UNC5C: variants seen among roughly 807,000 people sequenced by gnomAD.
UNC5C encodes the protein unc-5 netrin receptor C, also known as netrin receptor UNC5C.
UNC5C carries 47 observed loss-of-function variants against 99.8 expected under a neutral mutation model. The ratio of observed to expected loss-of-function variants is 0.47; its 90% confidence interval spans 0.37 to 0.60. The LOEUF is 0.60. UNC5C is among the 20% of genes least tolerant of loss of function. The pLI is 0.00. For synonymous variants in UNC5C, 487 were observed against 452.2 expected (o/e 1.08, Z -0.98); for missense variants, 1,062 against 1,165.9 (o/e 0.91, Z 1.30).
intron 1 of UNC5C, among the ~76,000 whole-genome samples, chr4:95,418,968 T>C (rs572985206): frequency 6.6e-6 from 1 of 152,324 alleles, no homozygotes; most frequent in South Asian, 2.1e-4. Context: ...TATCTGCCTT[T>C]AGTCTGATTC....
chr4:95,292,555 G>A (rs947556757), intron 3 of UNC5C, among the ~76,000 whole-genome samples: 1 of 151,938 alleles, frequency 6.6e-6, no homozygotes, highest in African/African-American at 2.4e-5. Flanking sequence ...TGCCTATGTG[G>A]ACCTTACTTT....
Position 95,222,573 on chromosome 4 carries a change from G to A in UNC5C, c.1109-2397C>T, listed in dbSNP as rs377449122. ...GGATCTAATTTATTTCAGACATCAG[G>A]GGTCATTAGCATAAGGAAAATCTTT... is the stretch of plus-strand genomic sequence containing the variant. On this transcript the variant is annotated intron_variant, in intron 7 of 15. Transcript: ENST00000453304. 4.0e-4 allele frequency among the ~76,000 whole-genome samples: 61 copies of A among 152,124 alleles called. No individual in the cohort carries two copies. In the South Asian group the frequency reaches 0.012, roughly 30 times the overall value.
At chr4:95,512,061 G>C (rs1161673391) in intron 1 of UNC5C, among the ~76,000 whole-genome samples, 3 of 152,072 alleles carry the variant, frequency 2.0e-5, no homozygotes, top group Non-Finnish European at 1.5e-5. Context: ...GTGGAATATG[G>C]AAATGAAAAT....
intron 10 of UNC5C, among the ~76,000 whole-genome samples, chr4:95,215,179 G>A (rs1289029124): frequency 6.6e-6 from 1 of 152,124 alleles, no homozygotes; most frequent in Non-Finnish European, 1.5e-5. Context: ...ATGAGAGCTG[G>A]GAAAAGAAAA....
intron 1 of UNC5C, among the ~76,000 whole-genome samples, chr4:95,523,106 T>C (rs1722402723): frequency 6.6e-6 from 1 of 152,262 alleles, no homozygotes; most frequent in Non-Finnish European, 1.5e-5. Context: ...ATGGTCAGGA[T>C]AGGGCAGAGG....
chr4:95,263,902 A>G (rs561915058), intron 4 of UNC5C, among the ~76,000 whole-genome samples: 73 of 152,254 alleles, frequency 4.8e-4, no homozygotes, highest in Non-Finnish European at 8.1e-4. Flanking sequence ...TAAATAACTT[A>G]CAAACTAAGA....
At position 95,536,104 on chromosome 4, in the gene UNC5C, T is replaced by G. The variant is rs529487912; in HGVS notation, c.124+12630A>C. 2.6e-3 allele frequency among the ~76,000 whole-genome samples: 382 copies of G among 147,466 alleles called. 3 individuals are homozygous for G. The highest frequency in any genetic ancestry group is 9.3e-3 in the African/African-American group (372 of 40,058). On this transcript the variant is annotated intron_variant, in intron 1 of 15. Transcript: ENST00000453304. Reference sequence around the variant, plus strand: ...TATATTTTTTTTTTTTGAGATGGAGTCTCGCTCTTGTCACCCAGGCTGGAG... The same window carrying G: ...TATATTTTTTTTTTTTGAGATGGAGGCTCGCTCTTGTCACCCAGGCTGGAG...
At position 95,491,872 on chromosome 4, in the gene UNC5C, TATA is replaced by T. The variant is rs1270788274; in HGVS notation, c.124+56859_124+56861del. Among the ~76,000 whole-genome samples, 3 of 151,752 alleles carry T rather than the reference TATA, an allele frequency of 2.0e-5. No homozygotes were observed. In the East Asian group the frequency reaches 5.8e-4, roughly 30 times the overall value. On this transcript the variant is annotated intron_variant, in intron 1 of 15. Coordinates refer to ENST00000453304, the MANE Select transcript of UNC5C (RefSeq NM_003728.4). ...TAAATATCAATATGTGTCCAAACTC[TATA>T]ATGTCGCTGTCACTGACATTGTTTG...
intron 2 of UNC5C, among the ~76,000 whole-genome samples, chr4:95,323,512 C>G (rs1253462124): frequency 1.3e-5 from 2 of 152,160 alleles, no homozygotes; most frequent in Non-Finnish European, 2.9e-5. Flanking sequence ...ATTAATTAAG[C>G]TGAACTAAAT....
intron 1 of UNC5C, among the ~76,000 whole-genome samples, chr4:95,409,357 A>G (rs1332350855): frequency 4.6e-5 from 7 of 152,176 alleles, no homozygotes; most frequent in Admixed American, 3.3e-4. Context: ...ACCTGCAGAC[A>G]TCAAACAGTT....
intron 1 of UNC5C, among the ~76,000 whole-genome samples, chr4:95,447,051 T>C (rs1281863771): frequency 6.6e-6 from 1 of 152,190 alleles, no homozygotes; most frequent in Non-Finnish European, 1.5e-5. Context: ...TTCATAATAC[T>C]TGGAGTTATA....
chr4:95,326,672 T>C (rs1742895441), intron 2 of UNC5C, among the ~76,000 whole-genome samples: 1 of 152,158 alleles, frequency 6.6e-6, no homozygotes, highest in South Asian at 2.1e-4. Flanking sequence ...CAAAGAGTAA[T>C]GGTAATGAAT....
At chr4:95,386,427 C>T (rs1232318930) in intron 1 of UNC5C, among the ~76,000 whole-genome samples, 1 of 152,130 alleles carries the variant, frequency 6.6e-6, no homozygotes, top group Non-Finnish European at 1.5e-5. Context: ...GTATTATGGG[C>T]TGAGTATTCA....
At chr4:95,223,274 AATGATACAGCACCATTTGG>A (rs1380588537) in intron 7 of UNC5C, among the ~76,000 whole-genome samples, 1 of 152,226 alleles carries the variant, frequency 6.6e-6, no homozygotes, top group Non-Finnish European at 1.5e-5. Flanking sequence ...GAATTAATCA[AATGATACAGCACCATTTGG>A]ATTAATAAAA....
intron 9 of UNC5C, 49 bp downstream of exon 9, chr4:95,218,920 A>C: frequency 6.6e-7 from 1 of 1,517,354 alleles, no homozygotes; most frequent in Admixed American, 2.2e-5. Context: ...TTGGTATGGA[A>C]AAATATGTTT....
chr4:95,209,859 T>C (rs1738017175), intron 10 of UNC5C, among the ~76,000 whole-genome samples: 1 of 152,210 alleles, frequency 6.6e-6, no homozygotes, highest in Admixed American at 6.5e-5. Flanking sequence ...AAACCAATGA[T>C]TGCATTTTTC....
intron 1 of UNC5C, among the ~76,000 whole-genome samples, chr4:95,465,554 T>C (rs1231415015): frequency 1.3e-5 from 2 of 152,082 alleles, no homozygotes; most frequent in East Asian, 1.9e-4. Context: ...AAATAGTCTT[T>C]CTCCCAGTGC....
chr4:95,435,891 T>G (rs1227632894), intron 1 of UNC5C, among the ~76,000 whole-genome samples: 1 of 152,114 alleles, frequency 6.6e-6, no homozygotes, highest in African/African-American at 2.4e-5. Flanking sequence ...ATTCAAATTT[T>G]GCATGTTATG....
chr4:95,250,790 G>A lies in UNC5C; in HGVS notation c.595-123C>T. On this transcript the variant is annotated intron_variant, in intron 4 of 15. Coordinates refer to ENST00000453304, the MANE Select transcript of UNC5C (RefSeq NM_003728.4). ...GGCCGAGAAGCGATACCTGTGTTTT[G>A]TAATATGTACAATGTTGTTCCAGGC... The A allele has an allele frequency of 2.1e-6, 2 of 957,238 alleles. 1 individual carries two copies. Among genetic ancestry groups the A allele is most frequent in the South Asian group, 3.2e-5 (2 of 61,672 alleles). The allele number at this position is 957,238 out of a possible 1,614,324, so 59.3% of individuals were successfully genotyped here. A position where few individuals can be genotyped will look rare whatever the true frequency, so the allele number is the denominator to read the frequency against.
Sources: gnomAD v4.1 joint callset for allele counts (sites outside exome capture counted in the v4.1 genomes callset) on GRCh38, gnomAD v4.1.1 for gene constraint, MANE v1.5 for transcripts, NCBI Gene and HGNC (gene_info 2026-07-23, HGNC 2026-07-21) for gene names.